MAPKAP1: variants seen among roughly 807,000 people sequenced by gnomAD.
MAPKAP1 encodes the protein MAPK associated protein 1.
In MAPKAP1, 20 loss-of-function variants were observed where a neutral mutation model predicts 65.7. That is an observed-to-expected ratio of 0.30 (90% confidence interval 0.21 to 0.44). MAPKAP1 has a LOEUF of 0.44. Among genes scored for constraint, MAPKAP1 ranks in the 20% least tolerant of loss-of-function variants. MAPKAP1 has a pLI of 1.00. For missense variants in MAPKAP1, 423 were observed against 648.0 expected (o/e 0.65, Z 3.77); for synonymous variants, 222 against 244.3 (o/e 0.91, Z 0.85).
At chr9:125,617,440 AACAGAG>A (rs1832778613) in intron 4 of MAPKAP1, among the ~76,000 whole-genome samples, 1 of 152,334 alleles carries the variant, frequency 6.6e-6, no homozygotes, top group Admixed American at 6.5e-5. Flanking sequence ...CAGCCTGGGC[AACAGAG>A]ACCCTATCTC....
At chr9:125,596,376 G>T in intron 4 of MAPKAP1, 1 of 808,802 alleles carries the variant, frequency 1.2e-6, no homozygotes, top group South Asian at 1.3e-5. Flanking sequence ...TGGTGGATAT[G>T]GTGGCAGTAG....
intron 5 of MAPKAP1, among the ~76,000 whole-genome samples, chr9:125,570,964 C>T (rs1387116458): frequency 6.6e-6 from 1 of 151,858 alleles, no homozygotes; most frequent in Non-Finnish European, 1.5e-5. Context: ...TTATAAGAAT[C>T]TTAACTTACG....
intron 7 of MAPKAP1, among the ~76,000 whole-genome samples, chr9:125,539,049 A>G (rs1456548903): frequency 6.6e-6 from 1 of 152,186 alleles, no homozygotes; most frequent in African/African-American, 2.4e-5. Flanking sequence ...CTCACTGGTG[A>G]CATTCTAGGG....
intron 10 of MAPKAP1, among the ~76,000 whole-genome samples, chr9:125,456,991 T>A (rs986122869): frequency 3.4e-5 from 2 of 59,550 alleles, no homozygotes; most frequent in East Asian, 1.1e-3. Context: ...ATTTAGTGAA[T>A]TTTTTTTTTT....
intron 4 of MAPKAP1, among the ~76,000 whole-genome samples, chr9:125,593,354 T>C (rs1008307609): frequency 4.0e-5 from 6 of 151,750 alleles, no homozygotes; most frequent in African/African-American, 1.5e-4. Flanking sequence ...GCAGGTTAAG[T>C]AATTTTTATC....
chr9:125,566,172 C>T (rs1043904144), intron 5 of MAPKAP1, among the ~76,000 whole-genome samples: 1 of 152,198 alleles, frequency 6.6e-6, no homozygotes, highest in Non-Finnish European at 1.5e-5. Flanking sequence ...ACAAATTATT[C>T]ATTGAGTATT....
chr9:125,512,232 C>T (rs868644132), intron 7 of MAPKAP1, among the ~76,000 whole-genome samples: 8 of 152,328 alleles, frequency 5.3e-5, no homozygotes, highest in African/African-American at 9.6e-5. Flanking sequence ...TGCCAAAGTC[C>T]GAAGAGAGGG....
At chr9:125,492,660 C>G (rs148415249) in intron 8 of MAPKAP1, among the ~76,000 whole-genome samples, 190 of 152,310 alleles carry the variant, frequency 1.2e-3, no homozygotes, top group African/African-American at 4.4e-3. Context: ...CTCATAGATA[C>G]AAACTGCATG....
chr9:125,567,007 C>T (rs1831076361), intron 5 of MAPKAP1, among the ~76,000 whole-genome samples: 1 of 152,168 alleles, frequency 6.6e-6, no homozygotes, highest in Non-Finnish European at 1.5e-5. Flanking sequence ...TGTTCCAATG[C>T]TAGCTATTTC....
intron 8 of MAPKAP1, among the ~76,000 whole-genome samples, chr9:125,502,221 C>T (rs1335434078): frequency 6.6e-6 from 1 of 151,988 alleles, no homozygotes; most frequent in Non-Finnish European, 1.5e-5. Context: ...CCTGCCTCAG[C>T]CCCCCTAGCA....
intron 6 of MAPKAP1, among the ~76,000 whole-genome samples, chr9:125,558,372 A>C (rs1214377705): frequency 3.9e-5 from 6 of 152,182 alleles, no homozygotes; most frequent in Non-Finnish European, 8.8e-5. Flanking sequence ...TGTTATTTAC[A>C]CCAAACTTGA....
chr9:125,535,794 C>A (rs528653229), intron 7 of MAPKAP1, among the ~76,000 whole-genome samples: 1 of 152,252 alleles, frequency 6.6e-6, no homozygotes, highest in South Asian at 2.1e-4. Flanking sequence ...ATTGGCGGTG[C>A]TCTAGAATCA....
At chr9:125,699,333 C>G (rs1160323318) in intron 1 of MAPKAP1, among the ~76,000 whole-genome samples, 5 of 151,746 alleles carry the variant, frequency 3.3e-5, no homozygotes, top group African/African-American at 1.2e-4. Context: ...CTCGGCCTCC[C>G]AAGTAGCTGG....
chr9:125,551,344 G>A (rs2133192896), intron 6 of MAPKAP1, among the ~76,000 whole-genome samples: 1 of 152,288 alleles, frequency 6.6e-6, no homozygotes, highest in East Asian at 1.9e-4. Flanking sequence ...GAAAAGCCCA[G>A]TAAAGAGCAT....
intron 4 of MAPKAP1, among the ~76,000 whole-genome samples, chr9:125,606,613 C>T (rs566459522): frequency 1.2e-4 from 18 of 152,290 alleles, no homozygotes; most frequent in African/African-American, 4.3e-4. Context: ...AGAAACTGCA[C>T]CAGACAATGA....
rs1386275337 is a variant in MAPKAP1 at position 125,629,083 on chromosome 9, AC to A, written c.498+28567del. Among the ~76,000 whole-genome samples, 247 of 151,262 alleles carry A rather than the reference AC, an allele frequency of 1.6e-3. 2 individuals carry two copies. Among genetic ancestry groups the A allele is most frequent in the Non-Finnish European group, 1.3e-3 (87 of 67,426 alleles). ...CACACACACACACACACACACACAC[AC>A]ACACACACCAGAAAATAAAAAGTGT... On this transcript the variant is annotated intron_variant, in intron 4 of 11. Transcript: ENST00000265960.
chr9:125,624,547 G>C (rs1347958902), intron 4 of MAPKAP1, among the ~76,000 whole-genome samples: 1 of 59,488 alleles, frequency 1.7e-5, no homozygotes, highest in East Asian at 9.6e-4. Flanking sequence ...CAGCCGCCCT[G>C]TCCGGGAGGG....
intron 4 of MAPKAP1, among the ~76,000 whole-genome samples, chr9:125,612,653 T>C (rs891322456): frequency 7.4e-6 from 1 of 135,110 alleles, no homozygotes; most frequent in Admixed American, 7.2e-5. Flanking sequence ...TTTAATTCTG[T>C]TGGGTAAATA....
Position 125,595,558 on chromosome 9 carries a change from A to T in MAPKAP1, c.499-9831T>A. The T allele has an allele frequency of 8.3e-7, 1 of 1,203,664 alleles. No homozygotes were observed. Among genetic ancestry groups the T allele is most frequent in the South Asian group, 2.1e-5 (1 of 47,156 alleles). The allele number at this position is 1,203,664 out of a possible 1,614,324, so 74.6% of individuals were successfully genotyped here. A position where few individuals can be genotyped will look rare whatever the true frequency, so the allele number is the denominator to read the frequency against. On this transcript the variant is annotated intron_variant, in intron 4 of 11. Transcript: ENST00000265960. The surrounding 1 kb of genome is among the most constrained non-coding windows in gnomAD (Gnocchi z 4.0). ...AGCAATAAGAATACAGATGGGATTCAGTTCAAAATAATCTTGAATTAAGAA... is the reference window on the plus strand; with the variant it reads ...AGCAATAAGAATACAGATGGGATTCTGTTCAAAATAATCTTGAATTAAGAA...
Sources: gnomAD v4.1 joint callset for allele counts (sites outside exome capture counted in the v4.1 genomes callset) on GRCh38, gnomAD v4.1.1 for gene constraint, Gnocchi (gnomAD v3.1) non-coding constraint, MANE v1.5 for transcripts, NCBI Gene and HGNC (gene_info 2026-07-23, HGNC 2026-07-21) for gene names.